Variants in HDAC4 observed in about 807,000 individuals in gnomAD.
HDAC4 encodes histone deacetylase 4.
In HDAC4, 16 loss-of-function variants were observed where a neutral mutation model predicts 135.1. The observed-to-expected ratio is 0.12, with a 90% CI of 0.08 to 0.18. The LOEUF is 0.18. HDAC4 is among the 10% of genes least tolerant of loss of function. The probability of loss-of-function intolerance (pLI) is 1.00; values close to 1 mark genes in which losing one functional copy is unlikely to be tolerated. For synonymous variants in HDAC4, 685 were observed against 653.4 expected (o/e 1.05, Z -0.74); for missense variants, 1,143 against 1,511.8 (o/e 0.76, Z 4.05).
rs2042435445 is a variant in HDAC4, at chr2:239,156,557, C to CT, written c.733+94dup. On this transcript the variant is annotated intron_variant, in intron 7 of 26. Coordinates refer to ENST00000543185, the MANE Select transcript of HDAC4 (RefSeq NM_001378414.1). The stretch of plus-strand genomic sequence containing the variant: ...TAAAAATCTGCAGGTGATTCCTTCT[C>CT]TAAGTGGAAGACAGCGGTGGGCCCT... 10 of 1,490,446 alleles carry CT rather than the reference C, an allele frequency of 6.7e-6. 1 individual carries two copies. In the South Asian group the frequency reaches 1.0e-4, roughly 15 times the overall value. 92.3% of individuals were successfully genotyped at this position (1,490,446 alleles called of 1,614,324 possible). A position where few individuals can be genotyped will look rare whatever the true frequency, so the allele number is the denominator to read the frequency against.
intron 1 of HDAC4, among the ~76,000 whole-genome samples, chr2:239,367,513 C>G (rs1033134790): frequency 1.3e-4 from 20 of 152,094 alleles, no homozygotes; most frequent in African/African-American, 4.3e-4. Flanking sequence ...ATCTAAGAAT[C>G]CACAAACCAA....
chr2:239,367,254 C>T (rs1253439278), intron 1 of HDAC4, among the ~76,000 whole-genome samples: 3 of 152,054 alleles, frequency 2.0e-5, no homozygotes, highest in Non-Finnish European at 2.9e-5. Context: ...ATGGACTGAA[C>T]GAGAGCCGGT....
At chr2:239,212,501 A>T (rs1021578282) in intron 3 of HDAC4, among the ~76,000 whole-genome samples, 3 of 152,206 alleles carry the variant, frequency 2.0e-5, no homozygotes, top group African/African-American at 7.2e-5. Flanking sequence ...CTGACCAGAG[A>T]GCTGAAGCCA....
At chr2:239,107,163 CCT>C (rs1385426714) in intron 15 of HDAC4, among the ~76,000 whole-genome samples, 2 of 152,218 alleles carry the variant, frequency 1.3e-5, no homozygotes, top group Admixed American at 1.3e-4. Flanking sequence ...CTCAAGATCC[CCT>C]GTGACAGCTG....
intron 20 of HDAC4, among the ~76,000 whole-genome samples, chr2:239,083,078 G>A (rs1457679789): frequency 2.0e-5 from 3 of 152,260 alleles, no homozygotes; most frequent in African/African-American, 7.2e-5. Context: ...GTAGGTAATC[G>A]CTGTGAAGAC....
In HDAC4 at chr2:239,189,670, G is replaced by A. The variant is rs376785216; in HGVS notation, c.339+163C>T. On this transcript the variant is annotated intron_variant, in intron 4 of 26. Transcript: ENST00000543185. ...TCCACAATACACGCAAGTGCTGCCCGCGGTTTGTTGCCTGGTGTTACCGTC... is the reference window on the plus strand; with the variant it reads ...TCCACAATACACGCAAGTGCTGCCCACGGTTTGTTGCCTGGTGTTACCGTC... 3.2e-4 allele frequency among the ~76,000 whole-genome samples: 48 copies of A among 152,278 alleles called. 1 individual carries two copies. The South Asian group carries it at 7.9e-3, about 25-fold the overall frequency.
chr2:239,163,655 C>A, intron 6 of HDAC4, 148 bp downstream of exon 6: 1 of 865,668 alleles, frequency 1.2e-6, no homozygotes, highest in South Asian at 1.3e-5. Flanking sequence ...TCACCCACAT[C>A]CGAGCACCAC....
intron 1 of HDAC4, among the ~76,000 whole-genome samples, chr2:239,377,554 C>T (rs1325910396): frequency 1.3e-5 from 2 of 152,226 alleles, no homozygotes; most frequent in Non-Finnish European, 2.9e-5. Flanking sequence ...GCACGAGATT[C>T]TCCTTCCCCA....
chr2:239,319,448 G>C (rs948123542), intron 2 of HDAC4, among the ~76,000 whole-genome samples: 1 of 152,254 alleles, frequency 6.6e-6, no homozygotes, highest in African/African-American at 2.4e-5. Flanking sequence ...GGCCAGGCGA[G>C]GGCCACCTCC....
intron 2 of HDAC4, among the ~76,000 whole-genome samples, chr2:239,302,912 C>T (rs1285386196): frequency 1.3e-5 from 2 of 152,222 alleles, no homozygotes; most frequent in Non-Finnish European, 2.9e-5. Context: ...ATTGTGGTGA[C>T]AGCCCCAAGC....
At chr2:239,219,239 ACTG>A (rs2046813131) in intron 3 of HDAC4, among the ~76,000 whole-genome samples, 1 of 151,824 alleles carries the variant, frequency 6.6e-6, no homozygotes, top group East Asian at 1.9e-4. Flanking sequence ...ACAATGATAG[ACTG>A]GATTAAGAAA....
chr2:239,231,351 C>T (rs746083044), intron 3 of HDAC4, among the ~76,000 whole-genome samples: 2 of 152,300 alleles, frequency 1.3e-5, no homozygotes, highest in East Asian at 1.9e-4. Context: ...TCTTTCTCCC[C>T]AGTAGCACAG....
intron 14 of HDAC4, among the ~76,000 whole-genome samples, chr2:239,109,809 A>G (rs1415659481): frequency 1.3e-5 from 2 of 152,216 alleles, no homozygotes; most frequent in Admixed American, 1.3e-4. Flanking sequence ...CACGGATACA[A>G]GGAATGGGGA....
At chr2:239,267,330 C>G (rs2049796827) in intron 2 of HDAC4, among the ~76,000 whole-genome samples, 1 of 152,236 alleles carries the variant, frequency 6.6e-6, no homozygotes, top group African/African-American at 2.4e-5. Context: ...CAGACGGCCT[C>G]TGATACAGAC....
intron 1 of HDAC4, among the ~76,000 whole-genome samples, chr2:239,396,486 A>G (rs774095007): frequency 6.6e-6 from 1 of 152,240 alleles, no homozygotes; most frequent in Non-Finnish European, 1.5e-5. Context: ...TATGATAGGC[A>G]TAAAGGGAAT....
intron 2 of HDAC4, among the ~76,000 whole-genome samples, chr2:239,237,045 G>C (rs1157194078): frequency 2.0e-5 from 3 of 152,044 alleles, no homozygotes; most frequent in Non-Finnish European, 4.4e-5. Context: ...AGTGACAAAC[G>C]GTCTGGACGC....
chr2:239,134,415 C>G lies in HDAC4; in HGVS notation c.1124G>C (p.Arg375Thr). 1 of 1,613,410 alleles carries G rather than the reference C, an allele frequency of 6.2e-7. No homozygotes were observed. Among genetic ancestry groups the G allele is most frequent in the Non-Finnish European group, 8.5e-7 (1 of 1,179,770 alleles). ...AGTAGQQDAE[R>T]LTLPALQQRL... ...CTGCTGGAGGGCGGGAAGGGTGAGTCTCTCGGCGTCCTGCTGGCCCGCCGT... is the reference window on the plus strand; with the variant it reads ...CTGCTGGAGGGCGGGAAGGGTGAGTGTCTCGGCGTCCTGCTGGCCCGCCGT... The change falls in exon 11 of 27, where the codon AGA becomes ACA. Residue 375 changes from arginine to threonine, a missense_variant. Arg to Thr is a moderately conservative substitution (Grantham distance 71, BLOSUM62 -1). Coordinates refer to ENST00000543185, the MANE Select transcript of HDAC4 (RefSeq NM_001378414.1).
chr2:239,172,478 G>A (rs192564471), intron 5 of HDAC4, among the ~76,000 whole-genome samples: 129 of 151,958 alleles, frequency 8.5e-4, no homozygotes, highest in Middle Eastern at 3.4e-3. Context: ...GTCAAACTAC[G>A]TATCAAAACT....
intron 1 of HDAC4, among the ~76,000 whole-genome samples, chr2:239,398,151 G>A (rs955320829): frequency 3.3e-5 from 5 of 152,190 alleles, no homozygotes; most frequent in South Asian, 2.1e-4. Flanking sequence ...TCTCAGCAAC[G>A]GCAGTTCTCT....
Sources: allele counts gnomAD v4.1 joint callset (sites outside exome capture counted in the v4.1 genomes callset), GRCh38; gene constraint gnomAD v4.1.1; transcripts MANE v1.5; gene names NCBI Gene and HGNC (gene_info 2026-07-23, HGNC 2026-07-21).